MRPS2: variants seen among roughly 807,000 people sequenced by gnomAD.
The protein encoded by MRPS2 is mitochondrial ribosomal protein S2.
MRPS2 carries 13 observed loss-of-function variants against 18.9 expected under a neutral mutation model. That is an observed-to-expected ratio of 0.69 (90% confidence interval 0.45 to 1.09). The LOEUF is 1.09. MRPS2 is among the 50% of genes least tolerant of loss of function. The pLI, the probability that MRPS2 is intolerant of heterozygous loss-of-function variation, is 0.00. For synonymous variants in MRPS2, 186 were observed against 178.4 expected (o/e 1.04, Z -0.34); for missense variants, 389 against 421.7 (o/e 0.92, Z 0.68).
rs1831234089 is a variant in MRPS2 at position 135,504,219 on chromosome 9, C to T, written c.*86C>T. 3 of 1,225,072 alleles carry T rather than the reference C, an allele frequency of 2.4e-6. No individual in the cohort carries two copies. The Admixed American group carries it at 8.1e-5, about 33-fold the overall frequency. The allele number at this position is 1,225,072 out of a possible 1,614,324, so 75.9% of individuals were successfully genotyped here. A position where few individuals can be genotyped will look rare whatever the true frequency, so the allele number is the denominator to read the frequency against. On this transcript the variant is annotated 3_prime_UTR_variant, in exon 4 of 4. Coordinates refer to ENST00000241600, the MANE Select transcript of MRPS2 (RefSeq NM_016034.5). The surrounding 1 kb of genome is among the most constrained non-coding windows in gnomAD (Gnocchi z 4.3). ...CCCAGCCCTGGGTCAGCGGCATCCT[C>T]AGTCGTTGTTACTTACTCAGCTGAT...
chr9:135,501,976 A>G lies in MRPS2; in HGVS notation c.299+3A>G. 3 of 1,613,324 alleles carry G rather than the reference A, an allele frequency of 1.9e-6. No homozygotes were observed. The highest frequency in any genetic ancestry group is 2.5e-6 in the Non-Finnish European group (3 of 1,179,912). ...CACAAAGCTGGCTGTCGGCACAGGT[A>G]GGTGACACCCCCATCTGAGCCCGGG... On this transcript the variant is annotated splice_donor_region_variant and intron_variant, in intron 3 of 3. Transcript: ENST00000241600.
intron 3 of MRPS2, chr9:135,502,413 G>T (rs894274385): frequency 6.1e-6 from 3 of 489,074 alleles, no homozygotes; most frequent in African/African-American, 2.1e-5. Context: ...TGGTGTGGGC[G>T]TTCAGGGTGA....
chr9:135,504,174 CTG>C lies in MRPS2; in HGVS notation c.*42_*43del. ...CAAAGCAAACCACAGCCAAGCCTGT[CTG>C]AGCTGGGAGTCCCCTTCCCCAGCCC... On this transcript the variant is annotated 3_prime_UTR_variant, in exon 4 of 4. Transcript: ENST00000241600. The surrounding 1 kb of genome is among the most constrained non-coding windows in gnomAD (Gnocchi z 4.3). 2.7e-6 allele frequency: 4 copies of C among 1,505,738 alleles called. No individual in the cohort carries two copies. Among genetic ancestry groups the C allele is most frequent in the Non-Finnish European group, 3.5e-6 (4 of 1,129,520 alleles). 93.3% of individuals were successfully genotyped at this position (1,505,738 alleles called of 1,614,324 possible).
Position 135,503,904 on chromosome 9 carries a change from G to C in MRPS2, c.662G>C (p.Gly221Ala), listed in dbSNP as rs1271989509. Residue 221 changes from glycine to alanine, a missense_variant, in exon 4 of 4, where the codon GGC becomes GCC. Transcript: ENST00000241600. The stretch of plus-strand genomic sequence containing the variant: ...GCCAAGATGAACATCCCCACAGTGG[G>C]CATCGTGGACACCAACTGCAACCCC... ...DAAKMNIPTV[G>A]IVDTNCNPCL... The C allele has an allele frequency of 6.2e-7, 1 of 1,613,884 alleles. No individual in the cohort carries two copies. The highest frequency in any genetic ancestry group is 1.3e-5 in the African/African-American group (1 of 74,922).
Position 135,504,275 on chromosome 9 carries a change from C to T in MRPS2, c.*142C>T, listed in dbSNP as rs1831237482. 1 of 812,278 alleles carries T rather than the reference C, an allele frequency of 1.2e-6. No individual in the cohort carries two copies. Among genetic ancestry groups the T allele is most frequent in the Non-Finnish European group, 1.9e-6 (1 of 530,226 alleles). 50.3% of individuals were successfully genotyped at this position (812,278 alleles called of 1,614,324 possible). ...AGTGCAGACATCCACCGTTCCACCA[C>T]AGAACCAGTGGCTGAGCGGACCAAC... On this transcript the variant is annotated 3_prime_UTR_variant, in exon 4 of 4. Coordinates refer to ENST00000241600, the MANE Select transcript of MRPS2 (RefSeq NM_016034.5). This position sits in a 1 kb window ranked among gnomAD's most constrained non-coding sequence, Gnocchi z 4.3.
chr9:135,501,706 C>G, intron 2 of MRPS2, 138 bp from the exon 3 acceptor site: 2 of 1,488,586 alleles, frequency 1.3e-6, no homozygotes, highest in Non-Finnish European at 1.8e-6. Flanking sequence ...CAGGTCTTTC[C>G]TGGGGCTGCT....
intron 2 of MRPS2, 31 bp downstream of exon 2, chr9:135,501,154 G>A (rs2119357519): frequency 6.4e-7 from 1 of 1,556,846 alleles, no homozygotes; most frequent in East Asian, 2.4e-5. Context: ...GAGTTGGGTG[G>A]GAACGAGGAG....
upstream of MRPS2, chr9:135,500,188 G>C: frequency 5.6e-6 from 2 of 356,804 alleles, no homozygotes; most frequent in Non-Finnish European, 1.0e-5. Context: ...AGCACTGCAG[G>C]TCCACTCGGC....
chr9:135,504,047 GCT>G lies in MRPS2; in HGVS notation c.810_811del (p.Tyr271SerfsTer20), dbSNP rs1172350330. On this transcript the variant is annotated frameshift_variant, in exon 4 of 4. Coordinates refer to ENST00000241600, the MANE Select transcript of MRPS2 (RefSeq NM_016034.5). LOFTEE classifies it high-confidence loss of function. This position sits in a 1 kb window ranked among gnomAD's most constrained non-coding sequence, Gnocchi z 4.3. ...CAAGGAGAAGCGGCAGCAGGTTGAGGCTCTCTATCGCCTGCAGGGCCAGAAGG... is the reference window on the plus strand; with the variant it reads ...CAAGGAGAAGCGGCAGCAGGTTGAGGCTCTATCGCCTGCAGGGCCAGAAGG... ...RAKEKRQQVE[A>X]LYRLQGQKEP... is the part of the protein sequence containing the mutation. The G allele has an allele frequency of 1.9e-6, 3 of 1,613,016 alleles. No individual in the cohort carries two copies. The African/African-American group carries it at 4.0e-5, about 22-fold the overall frequency.
At chr9:135,501,661 C>T in intron 2 of MRPS2, 183 bp from the exon 3 acceptor site, 1 of 1,415,288 alleles carries the variant, frequency 7.1e-7, no homozygotes, top group Non-Finnish European at 9.2e-7. Context: ...AACCTGGCTC[C>T]AGCCCTCTGT....
intron 2 of MRPS2, 77 bp from the exon 3 acceptor site, chr9:135,501,767 G>A (rs909452356): frequency 1.3e-6 from 2 of 1,576,306 alleles, no homozygotes; most frequent in Non-Finnish European, 1.7e-6. Flanking sequence ...GGGAGCAGGG[G>A]TGGGCGGGAA....
intron 3 of MRPS2, chr9:135,503,239 C>T (rs190617697): frequency 2.4e-6 from 3 of 1,238,474 alleles, no homozygotes; most frequent in Non-Finnish European, 2.0e-6. Context: ...GGCAGAATGT[C>T]CTTTTGGCGT....
At position 135,503,152 on chromosome 9, in the gene MRPS2, C is replaced by G. The variant is rs1022890811; in HGVS notation, c.300-390C>G. On this transcript the variant is annotated intron_variant, in intron 3 of 3. Coordinates refer to ENST00000241600, the MANE Select transcript of MRPS2 (RefSeq NM_016034.5). ...TTGGCCCAGAGCACCCCGCTAAGTC[C>G]AACCCCAGAGGGGCCTCATCCGCAA... 9 of 1,067,226 alleles carry G rather than the reference C, an allele frequency of 8.4e-6. No homozygotes were observed. In the Admixed American group the frequency reaches 3.4e-4, roughly 41 times the overall value. 66.1% of individuals were successfully genotyped at this position (1,067,226 alleles called of 1,614,324 possible).
chr9:135,501,725 G>A (rs1831143303), intron 2 of MRPS2, 119 bp from the exon 3 acceptor site: 16 of 1,517,760 alleles, frequency 1.1e-5, no homozygotes, highest in African/African-American at 2.8e-5. Flanking sequence ...CTGGGCTCCC[G>A]GCTCCCCACC....
Position 135,503,969 on chromosome 9 carries a change from C to G in MRPS2, c.727C>G (p.Pro243Ala), listed in dbSNP as rs368545995. The change falls in exon 4 of 4, where the codon CCG becomes GCG. Residue 243 changes from proline to alanine, a missense_variant. Transcript: ENST00000241600. ...CCCTGTACCCGGCAATGACGACTCT[C>G]CGCTGGCTGTGCACCTCTACTGCAG... ...TYPVPGNDDSPLAVHLYCRLF... is the reference protein window; with the variant it reads ...TYPVPGNDDSALAVHLYCRLF... 4.7e-5 allele frequency: 76 copies of G among 1,613,746 alleles called. No homozygotes were observed. The highest frequency in any genetic ancestry group is 6.2e-5 in the Non-Finnish European group (73 of 1,180,054).
chr9:135,504,135 G>A lies in MRPS2; in HGVS notation c.*2G>A, dbSNP rs1281882136. 1.9e-6 allele frequency: 3 copies of A among 1,588,492 alleles called. No individual in the cohort carries two copies. The highest frequency in any genetic ancestry group is 2.3e-5 in the South Asian group (2 of 87,922). On this transcript the variant is annotated 3_prime_UTR_variant, in exon 4 of 4. Coordinates refer to ENST00000241600, the MANE Select transcript of MRPS2 (RefSeq NM_016034.5). The surrounding 1 kb of genome is among the most constrained non-coding windows in gnomAD (Gnocchi z 4.3). Reference sequence around the variant, plus strand: ...GCTGACATGAGCCATTCCCTGTGATGTTCACTCTCCTCCCAAAGCAAACCA... The same window carrying A: ...GCTGACATGAGCCATTCCCTGTGATATTCACTCTCCTCCCAAAGCAAACCA...
chr9:135,503,629 G>A lies in MRPS2; in HGVS notation c.387G>A (p.Leu129=). The change falls in exon 4 of 4, where the codon TTG becomes TTA. Residue 129 remains leucine (L), a synonymous_variant. Transcript: ENST00000241600. ...EQTATHLQLA[L]NFTAHMAYRK... is the part of the protein sequence containing the mutation. Reference sequence around the variant, plus strand: ...CAGCCACGCACCTCCAGCTGGCCTTGAACTTCACCGCCCACATGGCCTACC... The same window carrying A: ...CAGCCACGCACCTCCAGCTGGCCTTAAACTTCACCGCCCACATGGCCTACC... The A allele has an allele frequency of 6.2e-7, 1 of 1,613,820 alleles. No individual in the cohort carries two copies. The highest frequency in any genetic ancestry group is 1.1e-5 in the South Asian group (1 of 91,072).
intron 3 of MRPS2, chr9:135,503,255 T>C (rs1831193307): frequency 1.6e-6 from 2 of 1,274,250 alleles, no homozygotes; most frequent in Non-Finnish European, 2.0e-6. Flanking sequence ...GGCGTCATGT[T>C]GGATGTCCAC....
chr9:135,501,692 C>T (rs957844805), intron 2 of MRPS2, 152 bp from the exon 3 acceptor site: 3 of 1,460,308 alleles, frequency 2.1e-6, no homozygotes, highest in Non-Finnish European at 2.7e-6. Flanking sequence ...GGTCCCTGTG[C>T]TTCCAGGTCT....
Sources: allele counts gnomAD v4.1 joint callset, GRCh38; gene constraint gnomAD v4.1.1; non-coding constraint Gnocchi (gnomAD v3.1); transcripts MANE v1.5; gene names NCBI Gene and HGNC (gene_info 2026-07-23, HGNC 2026-07-21).